Variants in MATN1 observed in about 807,000 individuals in gnomAD.
The protein encoded by MATN1 is matrilin 1, also known as matrilin-1.
Under a neutral mutation model 41.3 loss-of-function variants are expected in MATN1, and 34 were observed. That is an observed-to-expected ratio of 0.82 (90% CI 0.63 to 1.10). The LOEUF (loss-of-function observed/expected upper bound fraction) is 1.10. MATN1 is among the 50% of genes least tolerant of loss of function. The pLI, the probability that MATN1 is intolerant of heterozygous loss-of-function variation, is 0.00. For missense variants in MATN1, 602 were observed against 662.4 expected, an observed-to-expected ratio of 0.91 and a Z score of 1.00; for synonymous variants, 264 against 278.7, an observed-to-expected ratio of 0.95 and a Z score of 0.53.
rs754556650 is a variant in MATN1, at chr1:30,713,625, G to C, written c.1448C>G (p.Ala483Gly). ...LLQALTRKLE[A>G]VSKRLAILEN... ...CAGGATGGCCAGCCGCTTACTCACA[G>C]CTTCCAGTGGACTCAGAGTTAAGGA... is the stretch of plus-strand genomic sequence containing the variant. The change falls in exon 8 of 8, where the codon GCT becomes GGT. Residue 483 changes from alanine to glycine, a missense_variant. By Grantham distance (60) the Ala-to-Gly change is moderately conservative (BLOSUM62 0). Coordinates refer to ENST00000373765, the MANE Select transcript of MATN1 (RefSeq NM_002379.3). The C allele has an allele frequency of 5.0e-5, 78 of 1,553,472 alleles. No individual in the cohort carries two copies. In the South Asian group the frequency reaches 9.0e-4, roughly 18 times the overall value.
intron 4 of MATN1, 71 bp downstream of exon 4, chr1:30,716,719 G>A: frequency 1.9e-6 from 3 of 1,577,096 alleles, no homozygotes; most frequent in South Asian, 2.3e-5. Flanking sequence ...GCTTGAATGG[G>A]TTTCCTGGGG....
intron 2 of MATN1, chr1:30,719,281 C>T (rs3790493): frequency 0.098 from 31,658 of 322,324 alleles, 2,047 homozygotes; most frequent in Admixed American, 0.21. Flanking sequence ...GGGCAGGGTC[C>T]TCAGGCTGAT....
Position 30,713,519 on chromosome 1 carries a change from AT to A in MATN1, c.*62del. On this transcript the variant is annotated 3_prime_UTR_variant, in exon 8 of 8. Transcript: ENST00000373765. Reference sequence around the variant, plus strand: ...CCCCGGGCTGGCTTCCCTCACTAAAATGGTAAAGCTACGGCGGACACGTGCA... The same window carrying A: ...CCCCGGGCTGGCTTCCCTCACTAAAAGGTAAAGCTACGGCGGACACGTGCA... The A allele has an allele frequency of 6.5e-7, 1 of 1,528,926 alleles. No homozygotes were observed. Among genetic ancestry groups the A allele is most frequent in the Non-Finnish European group, 8.9e-7 (1 of 1,126,390 alleles). The allele number at this position is 1,528,926 out of a possible 1,614,324, so 94.7% of individuals were successfully genotyped here. A position where few individuals can be genotyped will look rare whatever the true frequency, so the allele number is the denominator to read the frequency against.
At chr1:30,721,171 G>T (rs1456138821) in intron 2 of MATN1, 1 of 556,248 alleles carries the variant, frequency 1.8e-6, no homozygotes, top group African/African-American at 1.9e-5. Context: ...AAACTGAAAT[G>T]ATTGTAAGCT....
At chr1:30,719,568 A>G (rs948426219) in intron 2 of MATN1, 1 of 153,332 alleles carries the variant, frequency 6.5e-6, no homozygotes, top group South Asian at 2.0e-4. Context: ...ACTCCCCGGT[A>G]TGATACATGC....
chr1:30,717,522 C>T (rs1639632012), intron 3 of MATN1, among the ~76,000 whole-genome samples: 1 of 152,162 alleles, frequency 6.6e-6, no homozygotes. Flanking sequence ...GCACCCAAAA[C>T]TCACGACACA....
At position 30,723,571 on chromosome 1, in the gene MATN1, G is replaced by A; in HGVS notation, c.-20C>T. The A allele has an allele frequency of 1.3e-6, 2 of 1,524,478 alleles. No individual in the cohort carries two copies. The highest frequency in any genetic ancestry group is 1.8e-6 in the Non-Finnish European group (2 of 1,131,792). The allele number at this position is 1,524,478 out of a possible 1,614,324, so 94.4% of individuals were successfully genotyped here. The stretch of plus-strand genomic sequence containing the variant: ...CCTCATAGTTCTGGCAGCACGGGCA[G>A]CAGCCGGCACGGTTGTGGGACCAGT... On this transcript the variant is annotated 5_prime_UTR_variant, in exon 1 of 8. Transcript: ENST00000373765.
At position 30,721,591 on chromosome 1, in the gene MATN1, A is replaced by G. The variant is rs749905704; in HGVS notation, c.255T>C (p.Tyr85=). The G allele has an allele frequency of 1.9e-6, 3 of 1,613,472 alleles. No individual in the cohort carries two copies. The highest frequency in any genetic ancestry group is 2.2e-5 in the East Asian group (1 of 44,878). The change falls in exon 2 of 8, where the codon TAT becomes TAC. Residue 85 remains tyrosine (Y), a synonymous_variant. Transcript: ENST00000373765. ...AGAACTCCTGCTTCACGGTGCTGGC[A>G]TAGTTGACCATGCCCACCCGGGTGG... ...PNATRVGMVN[Y]ASTVKQEFSL...
rs1194542924 is a variant in MATN1, at chr1:30,718,657, G to A, written c.664+78C>T. On this transcript the variant is annotated intron_variant, in intron 3 of 7. Coordinates refer to ENST00000373765, the MANE Select transcript of MATN1 (RefSeq NM_002379.3). ...CCGTCTGCGCCTCAGCCTCGGTCCC[G>A]CCTCCAGCCCTGGCCCCGCCCCGCC... 5 of 862,892 alleles carry A rather than the reference G, an allele frequency of 5.8e-6. No individual in the cohort carries two copies. In the Admixed American group the frequency reaches 2.2e-4, roughly 39 times the overall value. 53.5% of individuals were successfully genotyped at this position (862,892 alleles called of 1,614,324 possible). A position where few individuals can be genotyped will look rare whatever the true frequency, so the allele number is the denominator to read the frequency against.
At position 30,718,899 on chromosome 1, in the gene MATN1, C is replaced by T. The variant is rs1441339415; in HGVS notation, c.500G>A (p.Arg167Gln). 1 of 1,580,632 alleles carries T rather than the reference C, an allele frequency of 6.3e-7. No homozygotes were observed. Among genetic ancestry groups the T allele is most frequent in the East Asian group, 2.3e-5 (1 of 43,364 alleles). Residue 167 changes from arginine (R) to glutamine (Q), a missense_variant, in exon 3 of 8, where the codon CGG becomes CAG. By Grantham distance (43) the Arg-to-Gln change is conservative. Transcript: ENST00000373765. Reference protein sequence around the residue: ...PQDSVQDVSARARASGVELFA... With the variant: ...PQDSVQDVSAQARASGVELFA... ...CAGCTCGACGCCGCTGGCCCGGGCC[C>T]GCGCAGACACGTCCTGCACGCTGTC...
chr1:30,718,826 G>A lies in MATN1; in HGVS notation c.573C>T (p.Ile191=), dbSNP rs1447685014. ...CGTGTTCGTCCTGCGGCTCGCTGGC[G>A]ATCTGCCGCAGCGTGGCCTTGTCCA... The part of the protein sequence containing the change: ...GSVDKATLRQ[I]ASEPQDEHVD... Residue 191 remains isoleucine (I), a synonymous_variant, in exon 3 of 8, where the codon ATC becomes ATT. Transcript: ENST00000373765. 1.9e-6 allele frequency: 3 copies of A among 1,609,356 alleles called. No individual in the cohort carries two copies. Among genetic ancestry groups the A allele is most frequent in the South Asian group, 1.1e-5 (1 of 90,568 alleles).
At chr1:30,719,912 T>G (rs1431476044) in intron 2 of MATN1, 2 of 152,628 alleles carry the variant, frequency 1.3e-5, no homozygotes, top group Non-Finnish European at 2.9e-5. Flanking sequence ...GTCACCTTCC[T>G]GAGCCTCAGT....
At position 30,723,577 on chromosome 1, in the gene MATN1, G is replaced by C; in HGVS notation, c.-26C>G. The stretch of plus-strand genomic sequence containing the variant: ...AGTTCTGGCAGCACGGGCAGCAGCC[G>C]GCACGGTTGTGGGACCAGTGGGGTC... On this transcript the variant is annotated 5_prime_UTR_variant, in exon 1 of 8. Coordinates refer to ENST00000373765, the MANE Select transcript of MATN1 (RefSeq NM_002379.3). 1 of 1,516,526 alleles carries C rather than the reference G, an allele frequency of 6.6e-7. No individual in the cohort carries two copies. The allele number at this position is 1,516,526 out of a possible 1,614,324, so 93.9% of individuals were successfully genotyped here. A position where few individuals can be genotyped will look rare whatever the true frequency, so the allele number is the denominator to read the frequency against.
intron 7 of MATN1, 71 bp downstream of exon 7, chr1:30,714,176 G>A (rs747238592): frequency 1.4e-5 from 18 of 1,289,830 alleles, no homozygotes; most frequent in South Asian, 5.1e-5. Context: ...CCACACTTGG[G>A]CCATGCCCCC....
intron 1 of MATN1, 45 bp downstream of exon 1, chr1:30,723,413 G>C: frequency 3.6e-6 from 5 of 1,406,506 alleles, no homozygotes; most frequent in Non-Finnish European, 4.7e-6. Flanking sequence ...CTGAGGGTCA[G>C]GGCCCACTAG....
At chr1:30,719,111 C>T in intron 2 of MATN1, 154 bp from the exon 3 acceptor site, 1 of 556,528 alleles carries the variant, frequency 1.8e-6, no homozygotes, top group Non-Finnish European at 3.1e-6. Context: ...AAGAGGAGAC[C>T]CGTTTCCTCT....
rs764095565 is a variant in MATN1 at position 30,718,932 on chromosome 1, C to T, written c.467G>A (p.Arg156Lys). The T allele has an allele frequency of 5.2e-6, 8 of 1,526,488 alleles. No homozygotes were observed. Among genetic ancestry groups the T allele is most frequent in the South Asian group, 1.2e-5 (1 of 82,820 alleles). 94.6% of individuals were successfully genotyped at this position (1,526,488 alleles called of 1,614,324 possible). ...SKVVIVVTDGRPQDSVQDVSA... is the reference protein window; with the variant it reads ...SKVVIVVTDGKPQDSVQDVSA... ...CACGTCCTGCACGCTGTCCTGGGGC[C>T]TCCCGTCTGTCACCACGATGACCAC... The change falls in exon 3 of 8, where the codon AGG becomes AAG. Residue 156 changes from arginine to lysine, a missense_variant. Transcript: ENST00000373765.
chr1:30,717,401 C>T (rs561190004), intron 3 of MATN1, among the ~76,000 whole-genome samples: 70 of 152,250 alleles, frequency 4.6e-4, no homozygotes, highest in African/African-American at 1.6e-3. Flanking sequence ...CCTGCCCCTG[C>T]GGGTCACATC....
intron 7 of MATN1, 51 bp from the exon 8 acceptor site, chr1:30,713,682 T>C (rs1194756040): frequency 2.7e-6 from 4 of 1,478,206 alleles, no homozygotes; most frequent in African/African-American, 2.8e-5. Flanking sequence ...AGGGCAGGGA[T>C]GGCTGTGGCC....
Sources: allele counts gnomAD v4.1 joint callset (sites outside exome capture counted in the v4.1 genomes callset), GRCh38; gene constraint gnomAD v4.1.1; transcripts MANE v1.5; gene names NCBI Gene and HGNC (gene_info 2026-07-23, HGNC 2026-07-21).